Variants in UNC13C observed in about 807,000 individuals in gnomAD.
The protein encoded by UNC13C is protein unc-13 homolog C.
Under a neutral mutation model 245.4 loss-of-function variants are expected in UNC13C, and 174 were observed. That is an observed-to-expected ratio of 0.71 (90% CI 0.63 to 0.80). UNC13C has a LOEUF of 0.80. Ranked by LOEUF, UNC13C falls within the 30% of genes least tolerant of loss-of-function variation. The pLI is 0.00. For missense variants in UNC13C, 2,829 were observed against 2,602.9 expected (o/e 1.09, Z -1.89); for synonymous variants, 992 against 895.1 (o/e 1.11, Z -1.93).
intron 18 of UNC13C, 28 bp downstream of exon 18, chr15:54,393,209 G>A: frequency 6.8e-7 from 1 of 1,481,324 alleles, no homozygotes; most frequent in Non-Finnish European, 9.0e-7. Context: ...GAAATGAATG[G>A]ATTTTATTCC....
intron 10 of UNC13C, among the ~76,000 whole-genome samples, chr15:54,290,793 A>T (rs1055809396): frequency 2.0e-5 from 3 of 152,212 alleles, no homozygotes; most frequent in East Asian, 3.9e-4. Context: ...GAAGGAATAG[A>T]TTCTAGAAAT....
chr15:54,158,554 C>A lies in UNC13C; in HGVS notation c.3071+14870C>A, dbSNP rs150441438. ...TAGGATGGTCTTGATCTCCTGACCT[C>A]GTGATCCACACGCCTCAGCCTCCCA... On this transcript the variant is annotated intron_variant, in intron 4 of 32. Transcript: ENST00000260323. Among the ~76,000 whole-genome samples the A allele has an allele frequency of 8.0e-3, 1,215 of 152,240 alleles. 20 individuals carry two copies. Among genetic ancestry groups the A allele is most frequent in the African/African-American group, 0.028 (1,165 of 41,516 alleles).
intron 24 of UNC13C, among the ~76,000 whole-genome samples, chr15:54,512,630 T>C (rs1365814479): frequency 6.6e-6 from 1 of 152,166 alleles, no homozygotes; most frequent in Non-Finnish European, 1.5e-5. Flanking sequence ...TTTCTCCCCA[T>C]GCCCTTATTC....
chr15:54,507,193 T>C lies in UNC13C; in HGVS notation c.5378T>C (p.Val1793Ala). 6.3e-7 allele frequency: 1 copy of C among 1,579,510 alleles called. No homozygotes were observed. Among genetic ancestry groups the C allele is most frequent in the Non-Finnish European group, 8.6e-7 (1 of 1,159,400 alleles). Reference sequence around the variant, plus strand: ...AGTTCACATTGTGATAAGGAAAATGTGGTAAGTAAAAAATGTCTCTACTTT... The same window carrying C: ...AGTTCACATTGTGATAAGGAAAATGCGGTAAGTAAAAAATGTCTCTACTTT... ...DFSSHCDKENVPCILMNNIQQ... is the reference protein window; with the variant it reads ...DFSSHCDKENAPCILMNNIQQ... The change falls in exon 23 of 33, where the codon GTG (valine) becomes GCG (alanine). Residue 1793 changes from valine (V) to alanine (A), a missense_variant and splice_region_variant. Coordinates refer to ENST00000260323, the MANE Select transcript of UNC13C (RefSeq NM_001080534.3).
rs192767472 is a variant in UNC13C at position 53,996,948 on chromosome 15, C to T, written c.-256-15700C>T. Among the ~76,000 whole-genome samples, 237 of 151,250 alleles carry T rather than the reference C, an allele frequency of 1.6e-3. 1 individual carries two copies. Among genetic ancestry groups the T allele is most frequent in the African/African-American group, 5.5e-3 (228 of 41,282 alleles). Reference sequence around the variant, plus strand: ...GGGTGAGTACTTAAGAATAAAGTTACTGAATCATAGGGTGCATGTAGGCTT... The same window carrying T: ...GGGTGAGTACTTAAGAATAAAGTTATTGAATCATAGGGTGCATGTAGGCTT... On this transcript the variant is annotated intron_variant, in intron 1 of 32. Coordinates refer to ENST00000260323, the MANE Select transcript of UNC13C (RefSeq NM_001080534.3).
intron 1 of UNC13C, among the ~76,000 whole-genome samples, chr15:53,981,031 A>G (rs569355441): frequency 1.3e-5 from 2 of 152,304 alleles, no homozygotes; most frequent in African/African-American, 2.4e-5. Flanking sequence ...GTTGGGAGGA[A>G]GGTCAGTGCA....
At chr15:53,938,281 G>A in the UNC13C span, among the ~76,000 whole-genome samples, 235 of 152,170 alleles carry the variant, frequency 1.5e-3, no homozygotes, top group African/African-American at 5.4e-3. Flanking sequence ...ACAAAGAAGG[G>A]CATTACATAA....
intron 30 of UNC13C, among the ~76,000 whole-genome samples, chr15:54,604,306 G>A (rs1232884992): frequency 6.6e-6 from 1 of 152,170 alleles, no homozygotes; most frequent in Non-Finnish European, 1.5e-5. Context: ...ATGTTTAGTT[G>A]TGCATCTAAT....
chr15:53,935,589 A>T, the UNC13C span, among the ~76,000 whole-genome samples: 1 of 152,204 alleles, frequency 6.6e-6, no homozygotes, highest in Admixed American at 6.5e-5. Flanking sequence ...GAAAATGGCG[A>T]GTTAATTCCA....
intron 2 of UNC13C, among the ~76,000 whole-genome samples, chr15:54,061,700 G>T (rs537857575): frequency 6.6e-6 from 1 of 152,120 alleles, no homozygotes. Flanking sequence ...AGTAGAAGGA[G>T]GGCTCTCATT....
chr15:54,344,300 A>C (rs2038807835), intron 17 of UNC13C, among the ~76,000 whole-genome samples: 1 of 152,214 alleles, frequency 6.6e-6, no homozygotes, highest in Admixed American at 6.5e-5. Context: ...TATTTCTGTA[A>C]GAGAGCTTCG....
rs149658723 is a variant in UNC13C, at chr15:54,458,314, G to A, written c.4934-36294G>A. 1.6e-3 allele frequency among the ~76,000 whole-genome samples: 247 copies of A among 152,014 alleles called. 1 individual carries two copies. The highest frequency in any genetic ancestry group is 5.7e-3 in the African/African-American group (235 of 41,492). ...TGTTTTGTGGCCTATCATATGGTCC[G>A]TCTTGGGGAATTTCCCATGTGCTGA... is the stretch of plus-strand genomic sequence containing the variant. On this transcript the variant is annotated intron_variant, in intron 19 of 32. Transcript: ENST00000260323.
chr15:54,436,325 A>C (rs776137742), intron 19 of UNC13C, among the ~76,000 whole-genome samples: 2 of 152,030 alleles, frequency 1.3e-5, no homozygotes, highest in African/African-American at 2.4e-5. Flanking sequence ...TACACAAAGG[A>C]TTATAAATCA....
At chr15:54,438,960 G>A (rs569907461) in intron 19 of UNC13C, among the ~76,000 whole-genome samples, 1 of 151,572 alleles carries the variant, frequency 6.6e-6, no homozygotes, top group Non-Finnish European at 1.5e-5. Flanking sequence ...TAATTTAATG[G>A]GTTTTAGAAG....
intron 2 of UNC13C, among the ~76,000 whole-genome samples, chr15:54,097,319 T>C (rs967890567): frequency 6.6e-6 from 1 of 152,210 alleles, no homozygotes; most frequent in Non-Finnish European, 1.5e-5. Flanking sequence ...GTTGGCTTTG[T>C]CCATTTTAAC....
At chr15:54,387,142 A>G (rs984239618) in intron 17 of UNC13C, among the ~76,000 whole-genome samples, 2 of 152,198 alleles carry the variant, frequency 1.3e-5, no homozygotes, top group East Asian at 3.9e-4. Context: ...AAATGAGCCA[A>G]CGGAGTAAAG....
chr15:54,121,438 A>G (rs2030662386), intron 2 of UNC13C, among the ~76,000 whole-genome samples: 1 of 152,032 alleles, frequency 6.6e-6, no homozygotes, highest in South Asian at 2.1e-4. Context: ...CTTCATTCCA[A>G]TATTTGCTTT....
At chr15:53,947,523 G>C in the UNC13C span, 3 of 152,152 alleles carry the variant, frequency 2.0e-5, no homozygotes, top group African/African-American at 7.2e-5. Context: ...CTACCAACTG[G>C]AAGTAGCTGC....
chr15:54,220,617 T>A (rs920338622), intron 4 of UNC13C, among the ~76,000 whole-genome samples: 10 of 148,350 alleles, frequency 6.7e-5, no homozygotes, highest in African/African-American at 7.4e-5. Context: ...ATAAAAAAAA[T>A]TAAAAAAATG....
Sources: gnomAD v4.1 joint callset for allele counts (sites outside exome capture counted in the v4.1 genomes callset) on GRCh38, gnomAD v4.1.1 for gene constraint, MANE v1.5 for transcripts, NCBI Gene and HGNC (gene_info 2026-07-23, HGNC 2026-07-21) for gene names.